GRM5: variants seen among roughly 807,000 people sequenced by gnomAD.
GRM5 encodes the protein glutamate metabotropic receptor 5.
In GRM5, 19 loss-of-function variants were observed where a neutral mutation model predicts 83.1. That is an observed-to-expected ratio of 0.23 (90% CI 0.16 to 0.34). GRM5 has a LOEUF of 0.34. Among genes scored for constraint, GRM5 ranks in the 10% least tolerant of loss-of-function variants. GRM5 has a pLI of 1.00. For missense variants in GRM5, 1,160 were observed against 1,588.3 expected (o/e 0.73, Z 4.58); for synonymous variants, 675 against 633.6 (o/e 1.07, Z -0.98).
chr11:88,927,312 T>C (rs1351487754), intron 2 of GRM5, among the ~76,000 whole-genome samples: 6 of 152,134 alleles, frequency 3.9e-5, no homozygotes, highest in Non-Finnish European at 5.9e-5. Context: ...AGAAAGAATA[T>C]ATTCTAGAAG....
At chr11:88,897,168 G>A (rs1278613969) in intron 2 of GRM5, among the ~76,000 whole-genome samples, 1 of 151,854 alleles carries the variant, frequency 6.6e-6, no homozygotes, top group African/African-American at 2.4e-5. Flanking sequence ...AGACAAAGTT[G>A]AGGAACTGCA....
chr11:88,871,086 G>C (rs1944759675), intron 2 of GRM5, among the ~76,000 whole-genome samples: 1 of 151,492 alleles, frequency 6.6e-6, no homozygotes, highest in African/African-American at 2.4e-5. Context: ...ATTTAAAAAT[G>C]TTGAAAAAAT....
chr11:88,885,965 G>A (rs950288729), intron 2 of GRM5, among the ~76,000 whole-genome samples: 8 of 152,060 alleles, frequency 5.3e-5, no homozygotes, highest in South Asian at 2.1e-4. Context: ...AGATGGTGCC[G>A]ATCAACTGGA....
chr11:88,653,990 C>A (rs551594408), intron 3 of GRM5, among the ~76,000 whole-genome samples: 1 of 152,118 alleles, frequency 6.6e-6, no homozygotes, highest in East Asian at 1.9e-4. Flanking sequence ...TCTTTGTAGT[C>A]CATAGTCCAT....
At chr11:88,666,479 T>A (rs1445624173) in intron 3 of GRM5, among the ~76,000 whole-genome samples, 3 of 152,156 alleles carry the variant, frequency 2.0e-5, no homozygotes, top group African/African-American at 7.2e-5. Context: ...GAGTGAGAAC[T>A]CACTCAGGAG....
At chr11:88,685,844 C>T (rs986320846) in intron 3 of GRM5, among the ~76,000 whole-genome samples, 1 of 152,170 alleles carries the variant, frequency 6.6e-6, no homozygotes, top group Non-Finnish European at 1.5e-5. Context: ...GTTTAGATTT[C>T]AGAAGATGTA....
intron 3 of GRM5, among the ~76,000 whole-genome samples, chr11:88,792,260 T>C (rs932359386): frequency 6.6e-6 from 1 of 152,122 alleles, no homozygotes; most frequent in Non-Finnish European, 1.5e-5. Context: ...GTCCATTTCA[T>C]GCACAGATGA....
At chr11:88,546,572 A>G (rs905460976) in intron 8 of GRM5, among the ~76,000 whole-genome samples, 1 of 152,138 alleles carries the variant, frequency 6.6e-6, no homozygotes, top group Non-Finnish European at 1.5e-5. Context: ...TTCTTTTAGG[A>G]AGATGTATAC....
chr11:88,590,268 T>G (rs1937614765), intron 7 of GRM5, among the ~76,000 whole-genome samples: 2 of 152,130 alleles, frequency 1.3e-5, no homozygotes, highest in Non-Finnish European at 2.9e-5. Context: ...TGGCTAAAAC[T>G]TCTTTCTCTT....
chr11:88,592,039 G>A (rs571869588), intron 6 of GRM5, among the ~76,000 whole-genome samples: 2 of 152,154 alleles, frequency 1.3e-5, no homozygotes, highest in South Asian at 2.1e-4. Flanking sequence ...AATGTATGTT[G>A]GACTTCAAAT....
chr11:88,835,317 T>C (rs2135524478), intron 3 of GRM5, among the ~76,000 whole-genome samples: 1 of 152,254 alleles, frequency 6.6e-6, no homozygotes, highest in Non-Finnish European at 1.5e-5. Context: ...GTTCAGAGAA[T>C]TGTAATCATT....
intron 2 of GRM5, among the ~76,000 whole-genome samples, chr11:88,971,724 A>G (rs1480848060): frequency 3.3e-5 from 5 of 152,104 alleles, no homozygotes; most frequent in African/African-American, 4.8e-5. Context: ...TTTCACTGTG[A>G]ATAGTGCATA....
chr11:88,588,522 C>A (rs931030816), intron 7 of GRM5, among the ~76,000 whole-genome samples: 32 of 152,200 alleles, frequency 2.1e-4, no homozygotes, highest in African/African-American at 7.7e-4. Flanking sequence ...ATGATGAGAA[C>A]ACCTCTTCTG....
At chr11:89,015,145 A>G (rs2135098034) in intron 2 of GRM5, among the ~76,000 whole-genome samples, 1 of 152,380 alleles carries the variant, frequency 6.6e-6, no homozygotes, top group African/African-American at 2.4e-5. Flanking sequence ...CTCGTCACTT[A>G]GCCTGGTTGA....
At chr11:88,627,864 T>C (rs1327967127) in intron 4 of GRM5, among the ~76,000 whole-genome samples, 1 of 152,204 alleles carries the variant, frequency 6.6e-6, no homozygotes, top group Admixed American at 6.6e-5. Flanking sequence ...TTTTTAAATA[T>C]GGTTTTTGAT....
intron 2 of GRM5, among the ~76,000 whole-genome samples, chr11:88,961,118 G>T (rs1436830827): frequency 6.6e-6 from 1 of 152,120 alleles, no homozygotes; most frequent in Admixed American, 6.6e-5. Context: ...TGAATCTCTA[G>T]GTGAGAAATT....
intron 8 of GRM5, among the ~76,000 whole-genome samples, chr11:88,551,499 G>GC (rs963188929): frequency 6.6e-5 from 10 of 152,122 alleles, no homozygotes; most frequent in African/African-American, 2.2e-4. Context: ...AAGGCTACGT[G>GC]CCCCTTCACA....
intron 4 of GRM5, among the ~76,000 whole-genome samples, chr11:88,610,237 A>C (rs1360114805): frequency 6.6e-6 from 1 of 151,994 alleles, no homozygotes; most frequent in African/African-American, 2.4e-5. Context: ...TAGGATGCAC[A>C]TTTCTAATTC....
chr11:89,056,858 A>G (rs1193869464), intron 1 of GRM5, among the ~76,000 whole-genome samples: 1 of 152,194 alleles, frequency 6.6e-6, no homozygotes, highest in Admixed American at 6.5e-5. Context: ...GTGGGTCCTT[A>G]GCAGAGTAAA....
Sources: gnomAD v4.1 joint callset for allele counts (sites outside exome capture counted in the v4.1 genomes callset) on GRCh38, gnomAD v4.1.1 for gene constraint, MANE v1.5 for transcripts, NCBI Gene and HGNC (gene_info 2026-07-23, HGNC 2026-07-21) for gene names.